The following PRKCH variants were observed in gnomAD, a reference collection of about 807,000 sequenced individuals.
PRKCH encodes the protein protein kinase C eta type.
A neutral mutation model predicts 82.5 loss-of-function variants in PRKCH; 28 were observed. The observed-to-expected ratio is 0.34, with a 90% CI of 0.25 to 0.47. PRKCH has a LOEUF of 0.47. Ranked by LOEUF, PRKCH falls within the 20% of genes least tolerant of loss-of-function variation. The pLI, the probability that PRKCH is intolerant of heterozygous loss-of-function variation, is 1.00. For synonymous variants in PRKCH, 322 were observed against 327.4 expected, an observed-to-expected ratio of 0.98 and a Z score of 0.18; for missense variants, 705 against 881.8, an observed-to-expected ratio of 0.80 and a Z score of 2.54.
Position 61,370,051 on chromosome 14 carries a change from C to T in PRKCH, c.364-21174C>T, listed in dbSNP as rs538723286. On this transcript the variant is annotated intron_variant, in intron 1 of 13. Coordinates refer to ENST00000332981, the MANE Select transcript of PRKCH (RefSeq NM_006255.5). ...CTCCGCCTCCCAGGTTCAAGCGATT[C>T]TCCTGTCTCAGCCTCCCAAGTAATT... 1.5e-4 allele frequency among the ~76,000 whole-genome samples: 23 copies of T among 152,024 alleles called. 1 individual carries two copies. In the South Asian group the frequency reaches 4.8e-3, roughly 32 times the overall value.
In PRKCH at chr14:61,450,240, A is replaced by G. The variant is rs182808292; in HGVS notation, c.703-602A>G. Among the ~76,000 whole-genome samples the G allele has an allele frequency of 2.4e-3, 366 of 152,276 alleles. 3 individuals are homozygous for G. The highest frequency in any genetic ancestry group is 8.4e-3 in the African/African-American group (347 of 41,556). On this transcript the variant is annotated intron_variant, in intron 5 of 13. Transcript: ENST00000332981. ...GTTATAGCATCAAATTGTGGTATGG[A>G]CTGCAGAGTACATGCCTAGTGGAAT...
intron 1 of PRKCH, among the ~76,000 whole-genome samples, chr14:61,191,121 T>G (rs948733930): frequency 6.6e-6 from 1 of 152,148 alleles, no homozygotes; most frequent in African/African-American, 2.4e-5. Context: ...AGGACTTGGG[T>G]GAATATAATT....
At chr14:61,285,235 C>T (rs1328192816) in intron 1 of PRKCH, among the ~76,000 whole-genome samples, 1 of 152,160 alleles carries the variant, frequency 6.6e-6, no homozygotes. Context: ...CACTGCCACA[C>T]CAATGTATAT....
chr14:61,428,650 T>C (rs923341897), intron 2 of PRKCH, among the ~76,000 whole-genome samples: 2 of 152,192 alleles, frequency 1.3e-5, no homozygotes, highest in Non-Finnish European at 2.9e-5. Context: ...CTTATCAACA[T>C]AGATTTTTTG....
intron 10 of PRKCH, among the ~76,000 whole-genome samples, chr14:61,498,228 A>G (rs1282333354): frequency 6.6e-6 from 1 of 152,024 alleles, no homozygotes; most frequent in Non-Finnish European, 1.5e-5. Context: ...TGGCCAGGCT[A>G]GTCTCAAATT....
intron 1 of PRKCH, among the ~76,000 whole-genome samples, chr14:61,200,300 C>G (rs527519322): frequency 6.6e-6 from 1 of 152,286 alleles, no homozygotes; most frequent in African/African-American, 2.4e-5. Flanking sequence ...AGTCCCTAGA[C>G]TCTTCATTCA....
chr14:61,284,456 G>T (rs887799489), intron 1 of PRKCH, among the ~76,000 whole-genome samples: 4 of 152,168 alleles, frequency 2.6e-5, no homozygotes, highest in African/African-American at 9.7e-5. Context: ...GTGAAAGCTG[G>T]GAGGAAAAAG....
At chr14:61,407,878 G>A (rs772913775) in intron 2 of PRKCH, among the ~76,000 whole-genome samples, 42 of 152,280 alleles carry the variant, frequency 2.8e-4, no homozygotes, top group Middle Eastern at 6.8e-3. Context: ...GTTTTGCTTT[G>A]TATGCAGCAT....
intron 12 of PRKCH, among the ~76,000 whole-genome samples, chr14:61,536,182 T>TA (rs11421598): frequency 0.75 from 114,219 of 151,534 alleles, 45,892 homozygotes; most frequent in Non-Finnish European, 0.89. Context: ...GTCACCCTCA[T>TA]GATTTTTTGC....
chr14:61,416,490 T>C (rs142422228), intron 2 of PRKCH, among the ~76,000 whole-genome samples: 1,695 of 152,308 alleles, frequency 0.011, 28 homozygotes, highest in African/African-American at 0.039. Flanking sequence ...GTATTTAATA[T>C]TGGATTTTGT....
intron 1 of PRKCH, among the ~76,000 whole-genome samples, chr14:61,241,213 G>A (rs144486994): frequency 6.6e-6 from 1 of 152,298 alleles, no homozygotes; most frequent in Non-Finnish European, 1.5e-5. Context: ...AAGTGTATAG[G>A]GTGAGGTTAT....
chr14:61,513,985 TC>T (rs944226183), intron 10 of PRKCH, among the ~76,000 whole-genome samples: 2 of 151,942 alleles, frequency 1.3e-5, no homozygotes, highest in African/African-American at 4.8e-5. Context: ...AAGACCAGAG[TC>T]CCTGCTTTCT....
At chr14:61,287,892 C>A (rs1264713071) in intron 1 of PRKCH, among the ~76,000 whole-genome samples, 1 of 152,148 alleles carries the variant, frequency 6.6e-6, no homozygotes, top group Non-Finnish European at 1.5e-5. Context: ...GTGAAACTCA[C>A]TGGTTTGGGG....
chr14:61,250,457 T>C (rs1400614034), intron 1 of PRKCH, among the ~76,000 whole-genome samples: 1 of 152,018 alleles, frequency 6.6e-6, no homozygotes. Flanking sequence ...GAAACTTAAA[T>C]GCGTTTTACT....
Position 61,302,985 on chromosome 14 carries a change from T to G in PRKCH, c.-19+115317T>G, listed in dbSNP as rs150236641. 190 of 152,298 alleles carry G rather than the reference T, an allele frequency of 1.2e-3. 1 individual carries two copies. Among genetic ancestry groups the G allele is most frequent in the African/African-American group, 4.2e-3 (176 of 41,502 alleles). The allele number at this position is 152,298 out of a possible 1,614,324, so 9.4% of individuals were successfully genotyped here. A position where few individuals can be genotyped will look rare whatever the true frequency, so the allele number is the denominator to read the frequency against. On this transcript the variant is annotated intron_variant, in intron 1 of 3. Coordinates refer to the PRKCH transcript ENST00000555185. ...GTGAATTAAAAATGTTCAACTGTGA[T>G]TACAGATTTGTATATTTGTTCCTTC...
intron 1 of PRKCH, among the ~76,000 whole-genome samples, chr14:61,352,525 G>T (rs1230427582): frequency 6.6e-6 from 1 of 151,944 alleles, no homozygotes; most frequent in Non-Finnish European, 1.5e-5. Context: ...TTAGCTGGGC[G>T]TGGTGGTGTG....
intron 1 of PRKCH, among the ~76,000 whole-genome samples, chr14:61,210,772 CTCTCTCTCTCTCTCTCTCTGTGTGTG>C (rs1301745175): frequency 1.5e-5 from 2 of 135,272 alleles, no homozygotes; most frequent in East Asian, 2.2e-4. Flanking sequence ...CTCTCTCTCT[CTCTCTCTCTCTCTCTCTCTGTGTGTG>C]TGTGTGTGTG....
At chr14:61,527,245 G>A (rs1176794136) in intron 10 of PRKCH, among the ~76,000 whole-genome samples, 1 of 146,366 alleles carries the variant, frequency 6.8e-6, no homozygotes, top group African/African-American at 2.5e-5. Context: ...GATTGGAGGA[G>A]GGGTGGAAAT....
At chr14:61,449,528 GT>G (rs1019060038) in intron 5 of PRKCH, among the ~76,000 whole-genome samples, 4 of 152,092 alleles carry the variant, frequency 2.6e-5, no homozygotes, top group Admixed American at 6.5e-5. Flanking sequence ...CCCATTAGTG[GT>G]TGGCTGGGTA....
Sources: gnomAD v4.1 joint callset for allele counts (sites outside exome capture counted in the v4.1 genomes callset) on GRCh38, gnomAD v4.1.1 for gene constraint, MANE v1.5 for transcripts, NCBI Gene and HGNC (gene_info 2026-07-23, HGNC 2026-07-21) for gene names.